The following ARID2 variants were observed in gnomAD, a reference collection of about 807,000 sequenced individuals.
ARID2 encodes the protein AT-rich interactive domain-containing protein 2.
ARID2 carries 32 observed loss-of-function variants against 184.6 expected under a neutral mutation model. The ratio of observed to expected loss-of-function variants is 0.17; its 90% CI spans 0.13 to 0.23. The LOEUF (loss-of-function observed/expected upper bound fraction) is 0.23, where lower values mean the gene tolerates loss of function less well. Among genes scored for constraint, ARID2 ranks in the 10% least tolerant of loss-of-function variants. The probability of loss-of-function intolerance (pLI) is 1.00; values close to 1 mark genes in which losing one functional copy is unlikely to be tolerated. For missense variants in ARID2, 1,696 were observed against 2,197.6 expected, an observed-to-expected ratio of 0.77 and a Z score of 4.56; for synonymous variants, 836 against 772.6, an observed-to-expected ratio of 1.08 and a Z score of -1.36.
chr12:45,865,405 C>A lies in ARID2; in HGVS notation c.4922+4456C>A, dbSNP rs115196241. The stretch of plus-strand genomic sequence containing the variant: ...TTAATCATTTGTCTTTTAAAGTAAA[C>A]AGACAAATGATTGTCTTTTTACAAT... On this transcript the variant is annotated intron_variant, in intron 16 of 20. Coordinates refer to ENST00000334344, the MANE Select transcript of ARID2 (RefSeq NM_152641.4). 7.0e-3 allele frequency among the ~76,000 whole-genome samples: 1,071 copies of A among 152,080 alleles called. 10 individuals carry two copies. Among genetic ancestry groups the A allele is most frequent in the African/African-American group, 0.024 (1,011 of 41,512 alleles).
chr12:45,861,453 C>G (rs1380759580), intron 16 of ARID2, among the ~76,000 whole-genome samples: 8 of 152,006 alleles, frequency 5.3e-5, no homozygotes, highest in Non-Finnish European at 8.8e-5. Flanking sequence ...ATAAACCTTT[C>G]TTAGACTTGA....
chr12:45,837,647 A>C lies in ARID2; in HGVS notation c.1270A>C (p.Met424Leu). 1 of 1,614,004 alleles carries C rather than the reference A, an allele frequency of 6.2e-7. No homozygotes were observed. The highest frequency in any genetic ancestry group is 8.5e-7 in the Non-Finnish European group (1 of 1,179,906). ...LVISTLEVLY[M>L]LTEMGDVACT... ...AATCTCAACACTCGAGGTGCTATACATGCTCACGGAAATGGGAGATGTTGC... is the reference window on the plus strand; with the variant it reads ...AATCTCAACACTCGAGGTGCTATACCTGCTCACGGAAATGGGAGATGTTGC... The change falls in exon 10 of 21, where the codon ATG becomes CTG. Residue 424 changes from methionine (M) to leucine (L), a missense_variant. This residue lies in a region of ARID2 where 86 missense variants were observed against 200.8 expected (regional missense o/e 0.43). Coordinates refer to ENST00000334344, the MANE Select transcript of ARID2 (RefSeq NM_152641.4).
intron 11 of ARID2, 126 bp from the exon 12 acceptor site, chr12:45,846,730 C>T: frequency 1.4e-6 from 1 of 726,200 alleles, no homozygotes; most frequent in African/African-American, 1.8e-5. Flanking sequence ...TGTATACTTT[C>T]ATATGTTTAT....
intron 3 of ARID2, among the ~76,000 whole-genome samples, chr12:45,775,769 G>A (rs573393663): frequency 6.6e-6 from 1 of 152,272 alleles, no homozygotes; most frequent in South Asian, 2.1e-4. Flanking sequence ...ATAGAATTTA[G>A]TTTAAATATA....
intron 6 of ARID2, among the ~76,000 whole-genome samples, chr12:45,830,391 A>G (rs548500190): frequency 7.9e-5 from 12 of 152,274 alleles, no homozygotes; most frequent in African/African-American, 2.4e-4. Context: ...AACCAAATCA[A>G]TGGAGATTGG....
At chr12:45,823,823 C>T (rs141948359) in intron 6 of ARID2, among the ~76,000 whole-genome samples, 22 of 152,124 alleles carry the variant, frequency 1.4e-4, no homozygotes, top group African/African-American at 5.1e-4. Context: ...AGCCCAGGAC[C>T]GGATGGCTTA....
intron 4 of ARID2, 107 bp from the exon 5 acceptor site, chr12:45,817,563 A>T: frequency 3.9e-6 from 1 of 254,038 alleles, no homozygotes; most frequent in South Asian, 1.6e-4. Flanking sequence ...ATTATATTTT[A>T]TATATATTAT....
chr12:45,776,553 T>G (rs1182419937), intron 3 of ARID2, among the ~76,000 whole-genome samples: 1 of 152,160 alleles, frequency 6.6e-6, no homozygotes, highest in Non-Finnish European at 1.5e-5. Context: ...TCCTGTACTG[T>G]GGGAGTATGA....
chr12:45,861,127 A>G (rs1943739352), intron 16 of ARID2, among the ~76,000 whole-genome samples, 178 bp downstream of exon 16: 2 of 152,374 alleles, frequency 1.3e-5, no homozygotes, highest in South Asian at 4.1e-4. Context: ...AAATTTATAT[A>G]TAAGTGATGG....
intron 16 of ARID2, among the ~76,000 whole-genome samples, chr12:45,883,343 T>A (rs1944134779): frequency 2.0e-5 from 3 of 151,696 alleles, no homozygotes; most frequent in South Asian, 4.2e-4. Context: ...AAAGGTTACA[T>A]AACAATGAGA....
At chr12:45,741,783 A>G (rs906400826) in intron 3 of ARID2, among the ~76,000 whole-genome samples, 1 of 152,186 alleles carries the variant, frequency 6.6e-6, no homozygotes, top group Non-Finnish European at 1.5e-5. Flanking sequence ...GTTCCATTTA[A>G]TGCGGAATGG....
At chr12:45,746,553 T>C (rs1167836151) in intron 3 of ARID2, among the ~76,000 whole-genome samples, 1 of 152,238 alleles carries the variant, frequency 6.6e-6, no homozygotes, top group African/African-American at 2.4e-5. Flanking sequence ...TATGATACCA[T>C]GTTGAATCTT....
intron 3 of ARID2, among the ~76,000 whole-genome samples, chr12:45,810,074 A>G (rs890677251): frequency 6.6e-6 from 1 of 152,202 alleles, no homozygotes; most frequent in Non-Finnish European, 1.5e-5. Context: ...GGAATGGTAG[A>G]AGGATTGATC....
intron 3 of ARID2, among the ~76,000 whole-genome samples, chr12:45,768,316 G>C (rs1941809070): frequency 1.3e-5 from 2 of 152,054 alleles, no homozygotes; most frequent in African/African-American, 4.8e-5. Flanking sequence ...CCTGTGTACA[G>C]TACCACTGAG....
At chr12:45,771,774 T>C (rs1346165488) in intron 3 of ARID2, among the ~76,000 whole-genome samples, 1 of 152,078 alleles carries the variant, frequency 6.6e-6, no homozygotes, top group Non-Finnish European at 1.5e-5. Context: ...GGAAAATTTG[T>C]TGGCACAAAA....
At chr12:45,848,216 A>G (rs1943478789) in intron 12 of ARID2, among the ~76,000 whole-genome samples, 1 of 152,026 alleles carries the variant, frequency 6.6e-6, no homozygotes, top group Admixed American at 6.6e-5. Flanking sequence ...TCAGGCCTCC[A>G]ATCCCAATTT....
intron 3 of ARID2, among the ~76,000 whole-genome samples, chr12:45,738,750 AC>A (rs1941180039): frequency 7.8e-6 from 1 of 128,784 alleles, no homozygotes; most frequent in Non-Finnish European, 1.6e-5. Context: ...TGCCACCCAA[AC>A]TTTTTTCTTC....
intron 3 of ARID2, among the ~76,000 whole-genome samples, chr12:45,801,242 G>A (rs1942494390): frequency 6.6e-6 from 1 of 151,902 alleles, no homozygotes; most frequent in East Asian, 1.9e-4. Context: ...AACCCGGGAG[G>A]TGGAGTTTGC....
chr12:45,889,290 T>C (rs1462728710), intron 16 of ARID2, among the ~76,000 whole-genome samples: 1 of 152,168 alleles, frequency 6.6e-6, no homozygotes, highest in Non-Finnish European at 1.5e-5. Flanking sequence ...ACATACATAC[T>C]CAGAGAAGGC....
Sources: allele counts gnomAD v4.1 joint callset (sites outside exome capture counted in the v4.1 genomes callset), GRCh38; gene constraint gnomAD v4.1.1; regional missense constraint gnomAD v4.1.1; transcripts MANE v1.5; gene names NCBI Gene and HGNC (gene_info 2026-07-23, HGNC 2026-07-21).